Variants in CNTN1 observed in about 807,000 individuals in gnomAD.
CNTN1 encodes contactin 1, also known as contactin-1.
Under a neutral mutation model 126.4 loss-of-function variants are expected in CNTN1, and 38 were observed. The ratio of observed to expected loss-of-function variants is 0.30; its 90% CI spans 0.23 to 0.39. The LOEUF (loss-of-function observed/expected upper bound fraction) is 0.39. Ranked by LOEUF, CNTN1 falls within the 10% of genes least tolerant of loss-of-function variation. The pLI, the probability that CNTN1 is intolerant of heterozygous loss-of-function variation, is 1.00. For synonymous variants in CNTN1, 413 were observed against 422.6 expected (o/e 0.98, Z 0.28); for missense variants, 1,009 against 1,248.4 (o/e 0.81, Z 2.89).
In CNTN1 at chr12:41,017,704, A is replaced by G. The variant is rs143253600; in HGVS notation, c.2419+788A>G. Among the ~76,000 whole-genome samples, 394 of 152,298 alleles carry G rather than the reference A, an allele frequency of 2.6e-3. 7 individuals carry two copies. Among genetic ancestry groups the G allele is most frequent in the Non-Finnish European group, 6.9e-4 (47 of 68,014 alleles). On this transcript the variant is annotated intron_variant, in intron 19 of 23. Transcript: ENST00000551295. ...TAGAAGACTTTATATATTTATACAA[A>G]TGATACACAGTTTTAGATTGAGCAT...
intron 23 of CNTN1, among the ~76,000 whole-genome samples, chr12:41,058,096 C>T (rs1048706141): frequency 1.3e-5 from 2 of 151,886 alleles, no homozygotes; most frequent in Non-Finnish European, 2.9e-5. Flanking sequence ...CTGTGACAAA[C>T]GCAAGAACCT....
intron 1 of CNTN1, among the ~76,000 whole-genome samples, chr12:40,839,536 A>G (rs972282055): frequency 6.6e-6 from 1 of 152,164 alleles, no homozygotes; most frequent in Admixed American, 6.5e-5. Context: ...AAGAGAAAAT[A>G]TCTAGTCATC....
At chr12:41,011,082 T>C (rs1032586869) in intron 17 of CNTN1, among the ~76,000 whole-genome samples, 1 of 152,164 alleles carries the variant, frequency 6.6e-6, no homozygotes, top group African/African-American at 2.4e-5. Flanking sequence ...GGTGAAACAC[T>C]TGAGTTAAAT....
rs767045718 is a variant in CNTN1 at position 40,943,497 on chromosome 12, G to C, written c.1380-100G>C. On this transcript the variant is annotated intron_variant, in intron 12 of 23. Coordinates refer to ENST00000551295, the MANE Select transcript of CNTN1 (RefSeq NM_001843.4). ...TGTCTGTGGTCGCATGATTTATATA[G>C]AATGTAATAATTGAAAAATATTAGT... is the stretch of plus-strand genomic sequence containing the variant. 14 of 893,868 alleles carry C rather than the reference G, an allele frequency of 1.6e-5. No homozygotes were observed. In the East Asian group the frequency reaches 3.5e-4, roughly 22 times the overall value. The allele number at this position is 893,868 out of a possible 1,614,324, so 55.4% of individuals were successfully genotyped here. A position where few individuals can be genotyped will look rare whatever the true frequency, so the allele number is the denominator to read the frequency against.
intron 1 of CNTN1, among the ~76,000 whole-genome samples, chr12:40,739,528 C>T (rs1234184155): frequency 6.6e-6 from 1 of 151,974 alleles, no homozygotes; most frequent in African/African-American, 2.4e-5. Context: ...CATACTTATA[C>T]TAAATATTTA....
At chr12:41,001,498 G>C (rs1276458540) in intron 17 of CNTN1, among the ~76,000 whole-genome samples, 2 of 152,018 alleles carry the variant, frequency 1.3e-5, no homozygotes, top group Non-Finnish European at 1.5e-5. Context: ...ATATTAATTA[G>C]ACTTTTGTCA....
chr12:40,712,469 G>T (rs1314484287), intron 1 of CNTN1, among the ~76,000 whole-genome samples: 5 of 151,726 alleles, frequency 3.3e-5, no homozygotes, highest in African/African-American at 7.3e-5. Flanking sequence ...AGTAATGCTT[G>T]GTTCTTATAC....
chr12:41,025,462 C>A, intron 21 of CNTN1, 126 bp downstream of exon 21: 1 of 877,822 alleles, frequency 1.1e-6, no homozygotes, highest in Non-Finnish European at 1.9e-6. Flanking sequence ...CCTTTACAGC[C>A]ACACAAGATT....
intron 1 of CNTN1, among the ~76,000 whole-genome samples, chr12:40,786,964 A>G (rs569141964): frequency 6.6e-6 from 1 of 152,282 alleles, no homozygotes; most frequent in East Asian, 1.9e-4. Flanking sequence ...ATAAATGAGT[A>G]TAAATCTGTG....
intron 3 of CNTN1, among the ~76,000 whole-genome samples, chr12:40,913,834 T>A: frequency 6.6e-6 from 1 of 152,324 alleles, no homozygotes; most frequent in South Asian, 2.1e-4. Context: ...CAAATATTCT[T>A]ACATTATTTA....
chr12:41,008,023 C>T (rs186835907), intron 17 of CNTN1, among the ~76,000 whole-genome samples: 81 of 152,262 alleles, frequency 5.3e-4, no homozygotes, highest in African/African-American at 1.9e-3. Flanking sequence ...ATCGTTCCCC[C>T]CTCTGGAGTG....
chr12:40,937,473 T>C (rs1158437808), intron 10 of CNTN1, 97 bp from the exon 11 acceptor site: 1 of 818,936 alleles, frequency 1.2e-6, no homozygotes, highest in African/African-American at 1.7e-5. Flanking sequence ...CAGATGAACA[T>C]AATGTATCTA....
rs77692798 is a variant in CNTN1, at chr12:40,777,408, A to G, written c.-77+84816A>G. On this transcript the variant is annotated intron_variant, in intron 1 of 23. Transcript: ENST00000551295. ...TACATATGCTGTCTGGGAACACAGCATTTCCTGAATACCTTACTCTTTGGT... is the reference window on the plus strand; with the variant it reads ...TACATATGCTGTCTGGGAACACAGCGTTTCCTGAATACCTTACTCTTTGGT... Among the ~76,000 whole-genome samples the G allele has an allele frequency of 3.7e-3, 568 of 151,774 alleles. 5 individuals are homozygous for G. Among genetic ancestry groups the G allele is most frequent in the African/African-American group, 0.013 (540 of 41,486 alleles).
chr12:41,014,713 C>A (rs1948740289), intron 18 of CNTN1, among the ~76,000 whole-genome samples: 1 of 152,192 alleles, frequency 6.6e-6, no homozygotes, highest in South Asian at 2.1e-4. Context: ...TTACTTTGAT[C>A]ACTGGTGTAA....
At chr12:41,039,476 A>C (rs766175253) in intron 23 of CNTN1, among the ~76,000 whole-genome samples, 1 of 152,214 alleles carries the variant, frequency 6.6e-6, no homozygotes, top group Non-Finnish European at 1.5e-5. Flanking sequence ...CAACTAGCAG[A>C]ATTATATATT....
intron 1 of CNTN1, among the ~76,000 whole-genome samples, chr12:40,809,589 C>T (rs1420689021): frequency 6.6e-6 from 1 of 152,094 alleles, no homozygotes; most frequent in Non-Finnish European, 1.5e-5. Context: ...CTTTGGGAGG[C>T]CAAGGCAGGC....
chr12:40,830,760 T>C (rs1409767615), intron 1 of CNTN1, among the ~76,000 whole-genome samples: 1 of 141,426 alleles, frequency 7.1e-6, no homozygotes, highest in Non-Finnish European at 1.5e-5. Context: ...AATCTCTCTA[T>C]ATATATTGAG....
chr12:40,961,271 A>C (rs1947098746), intron 15 of CNTN1, among the ~76,000 whole-genome samples: 1 of 152,048 alleles, frequency 6.6e-6, no homozygotes. Context: ...TTTATTTCTA[A>C]TAATAGAAAA....
At chr12:40,699,081 C>CA (rs59824101) in intron 1 of CNTN1, among the ~76,000 whole-genome samples, 4 of 151,846 alleles carry the variant, frequency 2.6e-5, no homozygotes, top group African/African-American at 7.3e-5. Flanking sequence ...TTTTGACTCC[C>CA]TGTGGATATC....
Sources: gnomAD v4.1 joint callset for allele counts (sites outside exome capture counted in the v4.1 genomes callset) on GRCh38, gnomAD v4.1.1 for gene constraint, MANE v1.5 for transcripts, NCBI Gene and HGNC (gene_info 2026-07-23, HGNC 2026-07-21) for gene names.